The following FSTL5 variants were observed in gnomAD, a reference collection of about 807,000 sequenced individuals.
FSTL5 encodes the protein follistatin like 5.
FSTL5 carries 62 observed loss-of-function variants against 89.1 expected under a neutral mutation model. The ratio of observed to expected loss-of-function variants is 0.70; its 90% CI spans 0.57 to 0.86. The LOEUF (loss-of-function observed/expected upper bound fraction) is 0.86, where lower values mean the gene tolerates loss of function less well. Ranked by LOEUF, FSTL5 falls within the 40% of genes least tolerant of loss-of-function variation. The pLI, the probability that FSTL5 is intolerant of heterozygous loss-of-function variation, is 0.00. For missense variants in FSTL5, 1,057 were observed against 1,001.6 expected (o/e 1.06, Z -0.75); for synonymous variants, 383 against 346.2 (o/e 1.11, Z -1.18).
At chr4:161,779,799 A>G (rs6815831) in intron 4 of FSTL5, among the ~76,000 whole-genome samples, 3,341 of 39,516 alleles carry the variant, frequency 0.085, 229 homozygotes, top group East Asian at 0.26. Flanking sequence ...ATATATATAT[A>G]TATATATATA....
At chr4:161,792,509 C>A (rs1170075912) in intron 4 of FSTL5, among the ~76,000 whole-genome samples, 2 of 152,118 alleles carry the variant, frequency 1.3e-5, no homozygotes, top group Non-Finnish European at 2.9e-5. Context: ...AGAATGAGAA[C>A]TTATGGTGCT....
At chr4:161,500,203 T>C (rs1161162563) in intron 11 of FSTL5, 69 bp from the exon 12 acceptor site, 2 of 998,774 alleles carry the variant, frequency 2.0e-6, no homozygotes, top group African/African-American at 3.3e-5. Context: ...CAAAATTCAG[T>C]GCCTCTCATA....
chr4:161,646,315 CT>C (rs939689155), intron 7 of FSTL5, among the ~76,000 whole-genome samples: 3 of 149,830 alleles, frequency 2.0e-5, no homozygotes, highest in African/African-American at 7.3e-5. Flanking sequence ...TAACTTTATA[CT>C]TTTAAGTAGA....
chr4:161,596,944 G>A (rs1406782948), intron 7 of FSTL5, among the ~76,000 whole-genome samples: 3 of 152,050 alleles, frequency 2.0e-5, no homozygotes, highest in African/African-American at 7.2e-5. Flanking sequence ...TTTGTCAGAT[G>A]AGTAGATTGC....
intron 4 of FSTL5, among the ~76,000 whole-genome samples, chr4:161,798,716 C>A (rs868063369): frequency 6.6e-6 from 1 of 151,412 alleles, no homozygotes; most frequent in African/African-American, 2.4e-5. Context: ...ACAATATAAT[C>A]TGGTGATAGG....
intron 6 of FSTL5, among the ~76,000 whole-genome samples, chr4:161,717,771 A>G (rs1486471371): frequency 6.6e-6 from 1 of 152,228 alleles, no homozygotes; most frequent in African/African-American, 2.4e-5. Flanking sequence ...AAATCATTTC[A>G]TTTTTTGATA....
intron 4 of FSTL5, among the ~76,000 whole-genome samples, chr4:161,848,036 C>CAAAAAAAAAAAAAAAAAAAAAAAA (rs139315536): frequency 2.1e-5 from 1 of 48,202 alleles, no homozygotes; most frequent in Non-Finnish European, 3.4e-5. Flanking sequence ...GACTCCGTCT[C>CAAAAAAAAAAAAAAAAAAAAAAAA]AAAAAAAAAA....
intron 3 of FSTL5, among the ~76,000 whole-genome samples, chr4:162,029,536 AG>A (rs1428628644): frequency 2.0e-5 from 3 of 152,292 alleles, no homozygotes; most frequent in East Asian, 3.9e-4. Flanking sequence ...TTACCAAAAA[AG>A]ATGAATCATA....
intron 4 of FSTL5, among the ~76,000 whole-genome samples, chr4:161,874,837 T>C (rs763532383): frequency 5.3e-5 from 8 of 152,166 alleles, no homozygotes; most frequent in South Asian, 2.1e-4. Context: ...TTGGTGAAGC[T>C]AACTAATGAA....
intron 7 of FSTL5, among the ~76,000 whole-genome samples, chr4:161,601,052 T>G (rs1183069459): frequency 1.3e-5 from 2 of 152,062 alleles, no homozygotes; most frequent in African/African-American, 4.8e-5. Context: ...AATCATCTAA[T>G]TTTTAAAAAA....
chr4:161,473,555 A>G (rs1734023295), intron 13 of FSTL5, among the ~76,000 whole-genome samples: 1 of 151,766 alleles, frequency 6.6e-6, no homozygotes, highest in African/African-American at 2.4e-5. Context: ...CAGCTTCCCA[A>G]GTATGTGGGA....
intron 7 of FSTL5, among the ~76,000 whole-genome samples, chr4:161,635,369 T>C (rs1178081705): frequency 6.6e-6 from 1 of 152,062 alleles, no homozygotes; most frequent in South Asian, 2.1e-4. Flanking sequence ...GCCTGGGCGA[T>C]AGAGTGAGAC....
intron 10 of FSTL5, 125 bp downstream of exon 10, chr4:161,538,041 A>G: frequency 1.2e-6 from 1 of 833,346 alleles, no homozygotes; most frequent in Non-Finnish European, 1.8e-6. Flanking sequence ...TCCTACGTAT[A>G]AAATCTATTT....
intron 3 of FSTL5, among the ~76,000 whole-genome samples, chr4:161,929,702 T>TGTGTGC (rs60033710): frequency 6.6e-6 from 1 of 150,584 alleles, no homozygotes. Context: ...TGTGTGTGTG[T>TGTGTGC]ACATAGTTTA....
At chr4:161,426,792 T>C (rs754656663) in intron 15 of FSTL5, among the ~76,000 whole-genome samples, 2 of 152,242 alleles carry the variant, frequency 1.3e-5, no homozygotes, top group Non-Finnish European at 2.9e-5. Context: ...AATAATTTTA[T>C]GTAATATTTA....
rs968233536 is a variant in FSTL5, at chr4:162,074,341, AT to A, written c.126+36929del. Among the ~76,000 whole-genome samples the A allele has an allele frequency of 7.3e-5, 11 of 151,350 alleles. 1 individual carries two copies. Among genetic ancestry groups the A allele is most frequent in the Admixed American group, 1.3e-4 (2 of 15,144 alleles). On this transcript the variant is annotated intron_variant, in intron 2 of 15. Coordinates refer to ENST00000306100, the MANE Select transcript of FSTL5 (RefSeq NM_020116.5). ...TCTTAGTAATGTTTGCCAGGTTTTTATTTTTTTTAATTTGAGTCTTTTGTTT... is the reference window on the plus strand; with the variant it reads ...TCTTAGTAATGTTTGCCAGGTTTTTATTTTTTTAATTTGAGTCTTTTGTTT...
intron 5 of FSTL5, among the ~76,000 whole-genome samples, chr4:161,766,871 T>C (rs924779016): frequency 1.3e-5 from 2 of 151,496 alleles, no homozygotes; most frequent in Admixed American, 6.6e-5. Flanking sequence ...TAGATGGATA[T>C]ACAGATACAG....
rs1240577419 is a variant in FSTL5, at chr4:161,779,759, T to TTATATA, written c.410-3691_410-3686dup. ...ATTTGTCCAAGGATTATTTGTAAAGTTATATATATATATATGTATATATAT... is the reference window on the plus strand; with the variant it reads ...ATTTGTCCAAGGATTATTTGTAAAGTTATATATATATATATATATATGTATATATAT... On this transcript the variant is annotated intron_variant, in intron 4 of 15. Coordinates refer to ENST00000306100, the MANE Select transcript of FSTL5 (RefSeq NM_020116.5). 1.6e-3 allele frequency among the ~76,000 whole-genome samples: 51 copies of TTATATA among 31,158 alleles called. 7 individuals carry two copies. The highest frequency in any genetic ancestry group is 2.3e-3 in the Non-Finnish European group (45 of 19,988). The allele number at this position is 31,158 out of a possible 152,430, so 20.4% of individuals were successfully genotyped here.
chr4:161,805,193 GTTCT>G (rs1729925613), intron 4 of FSTL5, among the ~76,000 whole-genome samples: 1 of 151,968 alleles, frequency 6.6e-6, no homozygotes, highest in African/African-American at 2.4e-5. Context: ...TTTTGCATGA[GTTCT>G]TTCTTTATAC....
Sources: gnomAD v4.1 joint callset for allele counts (sites outside exome capture counted in the v4.1 genomes callset) on GRCh38, gnomAD v4.1.1 for gene constraint, MANE v1.5 for transcripts, NCBI Gene and HGNC (gene_info 2026-07-23, HGNC 2026-07-21) for gene names.